Variants in LIN7A observed in about 807,000 individuals in gnomAD.
LIN7A encodes the protein lin-7 cell polarity scaffold A, also known as protein lin-7 homolog A.
A neutral mutation model predicts 29.8 loss-of-function variants in LIN7A; 25 were observed. The observed-to-expected ratio is 0.84, with a 90% CI of 0.61 to 1.17. The LOEUF (loss-of-function observed/expected upper bound fraction) is 1.17, where lower values mean the gene tolerates loss of function less well. LIN7A is among the 50% of genes most tolerant of loss of function. The pLI, the probability that LIN7A is intolerant of heterozygous loss-of-function variation, is 0.00. For synonymous variants in LIN7A, 118 were observed against 107.5 expected, an observed-to-expected ratio of 1.10 and a Z score of -0.60; for missense variants, 239 against 287.0, an observed-to-expected ratio of 0.83 and a Z score of 1.21.
At chr12:80,842,099 A>C (rs1872849632) in intron 4 of LIN7A, 1 of 1,287,496 alleles carries the variant, frequency 7.8e-7, no homozygotes, top group Non-Finnish European at 1.0e-6. Context: ...AGCTGACATG[A>C]GTTTCCATCT....
At chr12:80,887,953 G>A (rs1036906373) in intron 2 of LIN7A, among the ~76,000 whole-genome samples, 1 of 152,084 alleles carries the variant, frequency 6.6e-6, no homozygotes, top group Non-Finnish European at 1.5e-5. Flanking sequence ...CAGAGTATGC[G>A]AAATTTGGCC....
intron 2 of LIN7A, among the ~76,000 whole-genome samples, chr12:80,849,320 C>T (rs1371112582): frequency 2.6e-5 from 4 of 152,142 alleles, no homozygotes; most frequent in Non-Finnish European, 5.9e-5. Context: ...CTTGGAAATG[C>T]ATTATTTTGT....
intron 1 of LIN7A, among the ~76,000 whole-genome samples, chr12:80,920,981 T>C (rs1233913854): frequency 2.0e-5 from 3 of 152,208 alleles, no homozygotes; most frequent in Non-Finnish European, 2.9e-5. Flanking sequence ...GCCAAGATCA[T>C]GTAATGATTG....
At chr12:80,817,162 T>A (rs2121515268) in intron 4 of LIN7A, among the ~76,000 whole-genome samples, 1 of 152,334 alleles carries the variant, frequency 6.6e-6, no homozygotes, top group South Asian at 2.1e-4. Flanking sequence ...TTATTTCTGG[T>A]ATGCTCGTAT....
rs1265742363 is a variant in LIN7A, at chr12:80,893,579, A to G, written c.83-4210T>C. Among the ~76,000 whole-genome samples, 4 of 152,332 alleles carry G rather than the reference A, an allele frequency of 2.6e-5. 1 individual carries two copies. Among genetic ancestry groups the G allele is most frequent in the Admixed American group, 2.6e-4 (4 of 15,302 alleles). ...TCATAAAAGATCATTGGGAGATAAG[A>G]GAAAATTCAAGAATTGTTAAATCAT... On this transcript the variant is annotated intron_variant, in intron 1 of 5. Transcript: ENST00000552864.
chr12:80,807,071 T>TTGTTTTTTTTTTTTTTTTTTG (rs1254557516), intron 5 of LIN7A, among the ~76,000 whole-genome samples: 3 of 111,866 alleles, frequency 2.7e-5, no homozygotes, highest in Non-Finnish European at 5.3e-5. Context: ...GAGTTTTTTT[T>TTGTTTTTTTTTTTTTTTTTTG]TTTTTTTTTT....
chr12:80,836,191 T>C (rs1164497517), intron 4 of LIN7A, among the ~76,000 whole-genome samples: 2 of 152,196 alleles, frequency 1.3e-5, no homozygotes, highest in Non-Finnish European at 2.9e-5. Flanking sequence ...TTCAGCCTCA[T>C]CTTATCCCAC....
chr12:80,919,250 T>C (rs994249515), intron 1 of LIN7A, among the ~76,000 whole-genome samples: 3 of 152,158 alleles, frequency 2.0e-5, no homozygotes, highest in Non-Finnish European at 2.9e-5. Flanking sequence ...CTCTGCTAGG[T>C]GAGAATAACT....
At chr12:80,852,042 A>G (rs1022641161) in intron 2 of LIN7A, among the ~76,000 whole-genome samples, 1 of 152,210 alleles carries the variant, frequency 6.6e-6, no homozygotes, top group African/African-American at 2.4e-5. Context: ...TAGTCAATGT[A>G]TTAGGCATCT....
chr12:80,900,717 ATTGT>A (rs200243727), intron 1 of LIN7A, among the ~76,000 whole-genome samples: 1,662 of 152,280 alleles, frequency 0.011, 22 homozygotes, highest in Admixed American at 0.02. Context: ...GTCTGGCAAG[ATTGT>A]TTGTTGAATA....
chr12:80,914,586 TTA>T (rs1309010763), intron 1 of LIN7A, among the ~76,000 whole-genome samples: 14 of 152,214 alleles, frequency 9.2e-5, no homozygotes, highest in Non-Finnish European at 1.9e-4. Context: ...ATGTTTCACG[TTA>T]TCTTTCATGA....
At chr12:80,891,050 A>T (rs149933605) in intron 1 of LIN7A, among the ~76,000 whole-genome samples, 108 of 152,208 alleles carry the variant, frequency 7.1e-4, no homozygotes, top group African/African-American at 2.5e-3. Flanking sequence ...CCTCTCAAGC[A>T]AAACTATGGT....
chr12:80,886,387 C>T (rs560679466), intron 2 of LIN7A, among the ~76,000 whole-genome samples: 4 of 151,898 alleles, frequency 2.6e-5, no homozygotes, highest in Admixed American at 1.3e-4. Flanking sequence ...TAATTGAAGA[C>T]CTTTTCACTA....
intron 2 of LIN7A, among the ~76,000 whole-genome samples, chr12:80,849,145 A>G (rs1265042053): frequency 1.3e-5 from 2 of 152,188 alleles, no homozygotes; most frequent in East Asian, 3.9e-4. Context: ...TCTAACTTTT[A>G]GCTCTGAATC....
chr12:80,795,715 T>G lies in LIN7A; in HGVS notation c.*2012A>C, dbSNP rs764748152. The G allele has an allele frequency of 6.6e-6, 1 of 152,172 alleles. No individual in the cohort carries two copies. The highest frequency in any genetic ancestry group is 1.5e-5 in the Non-Finnish European group (1 of 67,992). The allele number at this position is 152,172 out of a possible 1,614,324, so 9.4% of individuals were successfully genotyped here. ...TGAGAATCCTGTGGCATTGCCTGAA[T>G]AGCTTTAATATATCTTTGTTAAATG... On this transcript the variant is annotated 3_prime_UTR_variant, in exon 6 of 6. Transcript: ENST00000552864.
At position 80,845,967 on chromosome 12, in the gene LIN7A, T is replaced by C. The variant is rs753130057; in HGVS notation, c.274-28A>G. The stretch of plus-strand genomic sequence containing the variant: ...GAAAAAAAAAAAAAAAGATGGTCTT[T>C]TGGTAATAAAATGAGGGAAATAAAG... On this transcript the variant is annotated intron_variant, in intron 3 of 5. Coordinates refer to ENST00000552864, the MANE Select transcript of LIN7A (RefSeq NM_004664.4). The C allele has an allele frequency of 1.9e-6, 3 of 1,560,168 alleles. No homozygotes were observed. The South Asian group carries it at 3.6e-5, about 19-fold the overall frequency.
chr12:80,854,938 A>T (rs1053291909), intron 2 of LIN7A, among the ~76,000 whole-genome samples: 1 of 152,202 alleles, frequency 6.6e-6, no homozygotes, highest in Admixed American at 6.5e-5. Flanking sequence ...ATAACATGAC[A>T]TTCATCCTCA....
intron 4 of LIN7A, among the ~76,000 whole-genome samples, chr12:80,823,280 G>T (rs1256518457): frequency 6.6e-6 from 1 of 152,206 alleles, no homozygotes; most frequent in Non-Finnish European, 1.5e-5. Context: ...GGAGAGAGGA[G>T]CTACGGCCTT....
Position 80,937,839 on chromosome 12 carries a change from G to T in LIN7A, c.-117C>A. On this transcript the variant is annotated 5_prime_UTR_variant, in exon 1 of 6. Coordinates refer to ENST00000552864, the MANE Select transcript of LIN7A (RefSeq NM_004664.4). ...GAAGGTGGTGGTGGTGGAGAAGAAAGCTTGGGTGGGTTGGTAGCCAGATGG... is the reference window on the plus strand; with the variant it reads ...GAAGGTGGTGGTGGTGGAGAAGAAATCTTGGGTGGGTTGGTAGCCAGATGG... 1 of 760,012 alleles carries T rather than the reference G, an allele frequency of 1.3e-6. No homozygotes were observed. Among genetic ancestry groups the T allele is most frequent in the Non-Finnish European group, 1.9e-6 (1 of 517,432 alleles). The allele number at this position is 760,012 out of a possible 1,614,324, so 47.1% of individuals were successfully genotyped here.
Sources: gnomAD v4.1 joint callset for allele counts (sites outside exome capture counted in the v4.1 genomes callset) on GRCh38, gnomAD v4.1.1 for gene constraint, MANE v1.5 for transcripts, NCBI Gene and HGNC (gene_info 2026-07-23, HGNC 2026-07-21) for gene names.